The following FAM135A variants were observed in gnomAD, a reference collection of about 807,000 sequenced individuals.
FAM135A encodes the protein protein FAM135A.
FAM135A carries 79 observed loss-of-function variants against 146.8 expected under a neutral mutation model. That is an observed-to-expected ratio of 0.54 (90% CI 0.45 to 0.65). FAM135A has a LOEUF of 0.65. FAM135A is among the 30% of genes least tolerant of loss of function. The probability of loss-of-function intolerance (pLI) is 0.00; values close to 1 mark genes in which losing one functional copy is unlikely to be tolerated. For synonymous variants in FAM135A, 562 were observed against 603.6 expected, an observed-to-expected ratio of 0.93 and a Z score of 1.01; for missense variants, 1,623 against 1,758.2, an observed-to-expected ratio of 0.92 and a Z score of 1.38.
At chr6:70,478,803 T>C (rs1211361007) in intron 8 of FAM135A, among the ~76,000 whole-genome samples, 1 of 152,138 alleles carries the variant, frequency 6.6e-6, no homozygotes, top group East Asian at 1.9e-4. Flanking sequence ...TGCTAAGTTA[T>C]TATAGCTTTT....
At chr6:70,426,962 G>A (rs779900317) in intron 3 of FAM135A, among the ~76,000 whole-genome samples, 6 of 152,050 alleles carry the variant, frequency 3.9e-5, no homozygotes, top group African/African-American at 1.2e-4. Flanking sequence ...ACAAACATCC[G>A]TGAAAAGATA....
chr6:70,458,093 A>G (rs939322475), intron 5 of FAM135A, among the ~76,000 whole-genome samples: 1 of 151,218 alleles, frequency 6.6e-6, no homozygotes, highest in African/African-American at 2.5e-5. Flanking sequence ...TCCATATTAT[A>G]TAATATGTGA....
chr6:70,552,409 C>T (rs189355241), intron 20 of FAM135A, among the ~76,000 whole-genome samples: 11 of 146,158 alleles, frequency 7.5e-5, no homozygotes, highest in Non-Finnish European at 1.6e-4. Context: ...GCAGCAGGAG[C>T]GGCGGGGCGA....
At position 70,436,373 on chromosome 6, in the gene FAM135A, A is replaced by G. The variant is rs140759875; in HGVS notation, c.77+7954A>G. On this transcript the variant is annotated intron_variant, in intron 4 of 21. Transcript: ENST00000418814. The stretch of plus-strand genomic sequence containing the variant: ...AATTGGTTTCTCAGTTTTAAGAATC[A>G]GCCCTTCTCTGTACTCCGCAATTTG... Among the ~76,000 whole-genome samples the G allele has an allele frequency of 3.1e-3, 465 of 152,300 alleles. 1 individual carries two copies. Among genetic ancestry groups the G allele is most frequent in the African/African-American group, 0.01 (419 of 41,554 alleles).
chr6:70,507,914 A>G (rs1393932981), intron 12 of FAM135A, among the ~76,000 whole-genome samples: 1 of 152,160 alleles, frequency 6.6e-6, no homozygotes, highest in Non-Finnish European at 1.5e-5. Context: ...CAAGAACTGT[A>G]AAGAATCTTG....
chr6:70,534,312 C>CTTTTTTTTTTTTTTTTT lies in FAM135A; in HGVS notation c.3965+467_3965+483dup, dbSNP rs1179072858. On this transcript the variant is annotated intron_variant, in intron 18 of 21. Transcript: ENST00000418814. Reference sequence around the variant, plus strand: ...CAAAAATACTTTCAAAGTTTGTATACTTTTTTTTTTTTTTTTTTTTTTTTT... The same window carrying CTTTTTTTTTTTTTTTTT: ...CAAAAATACTTTCAAAGTTTGTATACTTTTTTTTTTTTTTTTTTTTTTTTTTTTTTTTTTTTTTTTTT... 2.0e-4 allele frequency among the ~76,000 whole-genome samples: 18 copies of CTTTTTTTTTTTTTTTTT among 89,804 alleles called. 3 individuals carry two copies. The highest frequency in any genetic ancestry group is 8.6e-4 in the African/African-American group (18 of 20,954). 58.9% of individuals were successfully genotyped at this position (89,804 alleles called of 152,430 possible). A position where few individuals can be genotyped will look rare whatever the true frequency, so the allele number is the denominator to read the frequency against.
intron 20 of FAM135A, among the ~76,000 whole-genome samples, chr6:70,548,220 A>G (rs570240117): frequency 6.6e-6 from 1 of 152,322 alleles, no homozygotes; most frequent in Admixed American, 6.5e-5. Context: ...AAAGGGCCAT[A>G]ATATATTTAA....
At chr6:70,507,732 G>C (rs1257237741) in intron 12 of FAM135A, among the ~76,000 whole-genome samples, 1 of 152,038 alleles carries the variant, frequency 6.6e-6, no homozygotes, top group Non-Finnish European at 1.5e-5. Flanking sequence ...CTACATCATA[G>C]AGACTATTGT....
At chr6:70,423,070 A>G (rs1769216679) in intron 2 of FAM135A, among the ~76,000 whole-genome samples, 1 of 152,208 alleles carries the variant, frequency 6.6e-6, no homozygotes. Context: ...GCCAGAGGGA[A>G]CTGAAGGAGT....
chr6:70,559,821 C>T lies in FAM135A; in HGVS notation c.4448C>T (p.Ala1483Val), dbSNP rs1292534969. ...GTCATCAATGCATTGCCCAATACAGCTGATTCACTCATTGGGAGAGCTGCA... is the reference window on the plus strand; with the variant it reads ...GTCATCAATGCATTGCCCAATACAGTTGATTCACTCATTGGGAGAGCTGCA... ...YNVINALPNT[A>V]DSLIGRAAHI... is the part of the protein sequence containing the mutation. Residue 1483 changes from alanine to valine, a missense_variant, in exon 22 of 22, where the codon GCT (alanine) becomes GTT (valine). Physicochemically the swap from Ala to Val is moderately conservative, Grantham distance 64. Transcript: ENST00000418814. 1.2e-6 allele frequency: 2 copies of T among 1,613,924 alleles called. No individual in the cohort carries two copies. The highest frequency in any genetic ancestry group is 1.7e-6 in the Non-Finnish European group (2 of 1,179,952).
At chr6:70,514,052 T>C (rs1427427978) in intron 12 of FAM135A, among the ~76,000 whole-genome samples, 3 of 152,014 alleles carry the variant, frequency 2.0e-5, no homozygotes, top group African/African-American at 7.2e-5. Context: ...AGGTTATTTT[T>C]ATCAGTTTTA....
At position 70,498,915 on chromosome 6, in the gene FAM135A, T is replaced by A. The variant is rs777823370; in HGVS notation, c.874-3721T>A. 3.6e-4 allele frequency among the ~76,000 whole-genome samples: 55 copies of A among 152,262 alleles called. 1 individual carries two copies. Among genetic ancestry groups the A allele is most frequent in the Non-Finnish European group, 6.3e-4 (43 of 68,022 alleles). ...TCCAATTATGTAATCGATTTTAGAA[T>A]AAGTGCTATGTGGCACTGAGAAGAA... is the stretch of plus-strand genomic sequence containing the variant. On this transcript the variant is annotated intron_variant, in intron 11 of 21. Transcript: ENST00000418814.
intron 20 of FAM135A, among the ~76,000 whole-genome samples, chr6:70,548,103 G>GT (rs1388153326): frequency 1.3e-5 from 2 of 152,208 alleles, no homozygotes; most frequent in African/African-American, 4.8e-5. Context: ...AAGTACTGCT[G>GT]TAATTCCTAC....
At position 70,524,574 on chromosome 6, in the gene FAM135A, T is replaced by C. The variant is rs756133502; in HGVS notation, c.1490T>C (p.Leu497Pro). Residue 497 changes from leucine to proline, a missense_variant, in exon 15 of 22, where the codon CTT becomes CCT. Physicochemically the swap from Leu to Pro is moderately conservative, Grantham distance 98. Coordinates refer to ENST00000418814, the MANE Select transcript of FAM135A (RefSeq NM_001162529.3). The part of the protein sequence containing the change: ...SNKSKVKVTK[L>P]MKTMKSENTK... ...AAATCCAAAGTTAAGGTTACTAAGC[T>C]TATGAAAACAATGAAATCTGAAAAC... 22 of 1,543,172 alleles carry C rather than the reference T, an allele frequency of 1.4e-5. No homozygotes were observed. In the African/African-American group the frequency reaches 3.0e-4, roughly 21 times the overall value.
intron 3 of FAM135A, among the ~76,000 whole-genome samples, chr6:70,426,932 C>T (rs45535937): frequency 5.3e-5 from 8 of 152,270 alleles, no homozygotes; most frequent in Non-Finnish European, 1.2e-4. Context: ...CTATCTCTGA[C>T]TTCTAAGATT....
chr6:70,524,371 G>C lies in FAM135A; in HGVS notation c.1287G>C (p.Gln429His), dbSNP rs1370741017. The stretch of plus-strand genomic sequence containing the variant: ...TAGATGCACCCTGGATGGGAATTCA[G>C]AATCTTCAGAGATCAGAGTCCAGTA... ...EDLDAPWMGI[Q>H]NLQRSESSKM... Residue 429 changes from glutamine (Q) to histidine (H), a missense_variant, in exon 15 of 22, where the codon CAG (glutamine) becomes CAC (histidine). By Grantham distance (24) the Gln-to-His change is conservative. This residue lies in a region of FAM135A where 1,061 missense variants were observed against 1,113.8 expected (regional missense o/e 0.95). Transcript: ENST00000418814. 2 of 1,496,952 alleles carry C rather than the reference G, an allele frequency of 1.3e-6. No individual in the cohort carries two copies. The highest frequency in any genetic ancestry group is 1.4e-5 in the African/African-American group (1 of 70,268). 92.7% of individuals were successfully genotyped at this position (1,496,952 alleles called of 1,614,324 possible). A position where few individuals can be genotyped will look rare whatever the true frequency, so the allele number is the denominator to read the frequency against.
intron 20 of FAM135A, among the ~76,000 whole-genome samples, chr6:70,548,715 C>A (rs570224506): frequency 6.8e-6 from 1 of 147,220 alleles, no homozygotes; most frequent in African/African-American, 2.5e-5. Context: ...TTTTAAAAAT[C>A]TTAATCAGTG....
At chr6:70,554,754 A>G (rs2128499166) in intron 20 of FAM135A, among the ~76,000 whole-genome samples, 1 of 152,116 alleles carries the variant, frequency 6.6e-6, no homozygotes, top group South Asian at 2.1e-4. Context: ...CAGCCTCCTG[A>G]GTAGTTAGGA....
intron 4 of FAM135A, among the ~76,000 whole-genome samples, chr6:70,429,729 T>C (rs898433966): frequency 6.6e-6 from 1 of 152,094 alleles, no homozygotes; most frequent in African/African-American, 2.4e-5. Context: ...AATAAGCACT[T>C]ACTAACATGA....
Sources: gnomAD v4.1 joint callset for allele counts (sites outside exome capture counted in the v4.1 genomes callset) on GRCh38, gnomAD v4.1.1 for gene constraint, gnomAD v4.1.1 regional missense constraint, MANE v1.5 for transcripts, NCBI Gene and HGNC (gene_info 2026-07-23, HGNC 2026-07-21) for gene names.